The following PDE4D variants were observed in gnomAD, a reference collection of about 807,000 sequenced individuals.
The protein encoded by PDE4D is phosphodiesterase 4D.
A neutral mutation model predicts 87.4 loss-of-function variants in PDE4D; 24 were observed. That is an observed-to-expected ratio of 0.27 (90% CI 0.20 to 0.39). The LOEUF (loss-of-function observed/expected upper bound fraction) is 0.39, where lower values mean the gene tolerates loss of function less well. Ranked by LOEUF, PDE4D falls within the 10% of genes least tolerant of loss-of-function variation. The pLI, the probability that PDE4D is intolerant of heterozygous loss-of-function variation, is 1.00. For synonymous variants in PDE4D, 384 were observed against 383.2 expected, an observed-to-expected ratio of 1.00 and a Z score of -0.02; for missense variants, 714 against 1,041.0, an observed-to-expected ratio of 0.69 and a Z score of 4.32.
At chr5:60,501,572 C>T (rs1750079825) in intron 1 of PDE4D, among the ~76,000 whole-genome samples, 3 of 151,562 alleles carry the variant, frequency 2.0e-5, no homozygotes, top group South Asian at 4.2e-4. Context: ...TGAGGAATCG[C>T]CACACTGACT....
At chr5:59,121,917 G>T (rs1774568836) in intron 5 of PDE4D, among the ~76,000 whole-genome samples, 1 of 152,092 alleles carries the variant, frequency 6.6e-6, no homozygotes, top group Admixed American at 6.6e-5. Context: ...GCCGAGACGG[G>T]CGGATCACGT....
intron 1 of PDE4D, among the ~76,000 whole-genome samples, chr5:59,229,690 A>G (rs748616926): frequency 2.6e-5 from 4 of 152,232 alleles, no homozygotes; most frequent in Non-Finnish European, 4.4e-5. Context: ...CTTGATCTTC[A>G]TTAGTTTCAC....
At chr5:60,020,317 G>T (rs945338459) in intron 2 of PDE4D, among the ~76,000 whole-genome samples, 1 of 152,162 alleles carries the variant, frequency 6.6e-6, no homozygotes, top group African/African-American at 2.4e-5. Flanking sequence ...TTGAAATATT[G>T]TGAGAATTAC....
chr5:60,321,894 T>A (rs909516612), intron 1 of PDE4D, among the ~76,000 whole-genome samples: 3 of 57,582 alleles, frequency 5.2e-5, no homozygotes, highest in African/African-American at 2.8e-4. Flanking sequence ...AAAAATACTG[T>A]TTTTTTTTTT....
intron 1 of PDE4D, among the ~76,000 whole-genome samples, chr5:59,828,099 A>T (rs1182312486): frequency 6.6e-6 from 1 of 152,030 alleles, no homozygotes; most frequent in Non-Finnish European, 1.5e-5. Flanking sequence ...AGATGGCTCA[A>T]ATAAAATACT....
At chr5:59,045,832 T>C (rs1471927801) in intron 5 of PDE4D, among the ~76,000 whole-genome samples, 1 of 152,218 alleles carries the variant, frequency 6.6e-6, no homozygotes, top group African/African-American at 2.4e-5. Context: ...GAAAGTAAAG[T>C]TGAAGTCAGT....
At chr5:60,313,195 GA>G (rs915578049) in intron 1 of PDE4D, among the ~76,000 whole-genome samples, 28 of 149,086 alleles carry the variant, frequency 1.9e-4, no homozygotes, top group African/African-American at 6.1e-4. Context: ...GACAAACAAA[GA>G]AAAAAAAAGA....
chr5:60,144,297 C>A (rs759619807), intron 2 of PDE4D, among the ~76,000 whole-genome samples: 2 of 152,206 alleles, frequency 1.3e-5, no homozygotes, highest in Non-Finnish European at 2.9e-5. Flanking sequence ...GAGTAAGGTG[C>A]TGATTAGCTA....
Position 59,643,236 on chromosome 5 carries a change from A to G in PDE4D, c.455+249932T>C, listed in dbSNP as rs538619363. Reference sequence around the variant, plus strand: ...GGAGGAGGGATCACTGCCTGACCTGAAAGTCTCCCTAAGTTGAGGAGATGG... The same window carrying G: ...GGAGGAGGGATCACTGCCTGACCTGGAAGTCTCCCTAAGTTGAGGAGATGG... On this transcript the variant is annotated intron_variant, in intron 1 of 14. Coordinates refer to ENST00000340635, the MANE Select transcript of PDE4D (RefSeq NM_001104631.2). Among the ~76,000 whole-genome samples, 10 of 152,296 alleles carry G rather than the reference A, an allele frequency of 6.6e-5. No individual in the cohort carries two copies. In the East Asian group the frequency reaches 1.7e-3, roughly 26 times the overall value.
At chr5:59,417,222 G>T (rs535675536) in intron 1 of PDE4D, among the ~76,000 whole-genome samples, 1 of 152,120 alleles carries the variant, frequency 6.6e-6, no homozygotes, top group African/African-American at 2.4e-5. Context: ...AAAATGTACA[G>T]AATGCTAAAG....
chr5:59,519,411 T>C (rs1193225768), intron 1 of PDE4D, among the ~76,000 whole-genome samples: 2 of 152,190 alleles, frequency 1.3e-5, no homozygotes, highest in Admixed American at 6.5e-5. Context: ...AGCGATGATC[T>C]GAAGGGCAGG....
At chr5:59,346,712 A>G (rs957234921) in intron 1 of PDE4D, among the ~76,000 whole-genome samples, 3 of 152,164 alleles carry the variant, frequency 2.0e-5, no homozygotes. Flanking sequence ...CATCTTCCAC[A>G]CAGGAGGACA....
chr5:59,555,412 G>A (rs1307121432), intron 1 of PDE4D, among the ~76,000 whole-genome samples: 1 of 152,016 alleles, frequency 6.6e-6, no homozygotes, highest in Non-Finnish European at 1.5e-5. Flanking sequence ...TAGTTCCTGG[G>A]TGATGAAATA....
rs113615583 is a variant in PDE4D, at chr5:59,096,092, T to C, written c.809-57121A>G. On this transcript the variant is annotated intron_variant, in intron 5 of 14. Coordinates refer to ENST00000340635, the MANE Select transcript of PDE4D (RefSeq NM_001104631.2). ...AGGAGATGGGGGAATCTGTGGGAGT[T>C]AGTGGTAGGGGCACCTACAGAGGAA... is the stretch of plus-strand genomic sequence containing the variant. 3.2e-3 allele frequency among the ~76,000 whole-genome samples: 485 copies of C among 152,272 alleles called. 1 individual carries two copies. The highest frequency in any genetic ancestry group is 0.011 in the African/African-American group (472 of 41,554).
intron 1 of PDE4D, among the ~76,000 whole-genome samples, chr5:59,327,528 C>A (rs1040967365): frequency 6.6e-6 from 1 of 151,766 alleles, no homozygotes; most frequent in African/African-American, 2.4e-5. Context: ...TTAGGCAGGC[C>A]CAAAAATGAA....
At chr5:60,296,698 G>A (rs1437900767) in intron 1 of PDE4D, among the ~76,000 whole-genome samples, 1 of 152,074 alleles carries the variant, frequency 6.6e-6, no homozygotes, top group African/African-American at 2.4e-5. Context: ...CAACCCAAAT[G>A]CCCATCAATA....
At chr5:59,858,575 A>G (rs1490138478) in intron 1 of PDE4D, among the ~76,000 whole-genome samples, 1 of 152,128 alleles carries the variant, frequency 6.6e-6, no homozygotes, top group Non-Finnish European at 1.5e-5. Context: ...CAGTCCCAGA[A>G]GAAAGATGAG....
intron 1 of PDE4D, among the ~76,000 whole-genome samples, chr5:60,406,079 C>T (rs554296373): frequency 1.3e-5 from 2 of 151,940 alleles, no homozygotes; most frequent in East Asian, 1.9e-4. Context: ...TTTCCATTCT[C>T]ATCATTGGAA....
chr5:60,443,554 C>T (rs554880011), intron 1 of PDE4D, among the ~76,000 whole-genome samples: 37 of 152,158 alleles, frequency 2.4e-4, no homozygotes, highest in Admixed American at 4.6e-4. Context: ...TGAAATTGAG[C>T]GGCTTATGTC....
Sources: allele counts gnomAD v4.1 joint callset (sites outside exome capture counted in the v4.1 genomes callset), GRCh38; gene constraint gnomAD v4.1.1; transcripts MANE v1.5; gene names NCBI Gene and HGNC (gene_info 2026-07-23, HGNC 2026-07-21).